The following LAMA5 variants were observed in gnomAD, a reference collection of about 807,000 sequenced individuals.
LAMA5 encodes laminin subunit alpha 5.
Under a neutral mutation model 433.4 loss-of-function variants are expected in LAMA5, and 260 were observed. The ratio of observed to expected loss-of-function variants is 0.60; its 90% CI spans 0.54 to 0.66. The LOEUF (loss-of-function observed/expected upper bound fraction) is 0.66. LAMA5 is among the 30% of genes least tolerant of loss of function. The pLI is 0.00. For synonymous variants in LAMA5, 2,620 were observed against 2,226.6 expected (o/e 1.18, Z -4.97); for missense variants, 5,378 against 5,258.5 (o/e 1.02, Z -0.70).
chr20:62,363,209 C>G (rs898350773), intron 1 of LAMA5, among the ~76,000 whole-genome samples: 5 of 152,198 alleles, frequency 3.3e-5, no homozygotes, highest in African/African-American at 1.2e-4. Flanking sequence ...TTAAGCTGTT[C>G]CGGAGGCCTG....
chr20:62,337,804 G>A lies in LAMA5; in HGVS notation c.2026C>T (p.Pro676Ser), dbSNP rs762150047. 6.2e-6 allele frequency: 10 copies of A among 1,612,346 alleles called. No homozygotes were observed. Among genetic ancestry groups the A allele is most frequent in the Admixed American group, 3.3e-5 (2 of 60,006 alleles). The part of the protein sequence containing the change: ...PGFHGFPSCV[P>S]CHCSAEGSLH... ...CACCACTTCCTCCCTAGGCACTCACGGACACAGCTGGGGAAGCCGTGAAAG... is the reference window on the plus strand; with the variant it reads ...CACCACTTCCTCCCTAGGCACTCACAGACACAGCTGGGGAAGCCGTGAAAG... Residue 676 changes from proline to serine, a missense_variant and splice_region_variant, in exon 15 of 80, where the codon CCC becomes TCC. Coordinates refer to ENST00000252999, the MANE Select transcript of LAMA5 (RefSeq NM_005560.6).
At chr20:62,361,117 T>C (rs1395021301) in intron 2 of LAMA5, among the ~76,000 whole-genome samples, 1 of 152,074 alleles carries the variant, frequency 6.6e-6, no homozygotes, top group Non-Finnish European at 1.5e-5. Flanking sequence ...AATTCACACG[T>C]ACGCTACAGC....
chr20:62,309,416 C>A lies in LAMA5; in HGVS notation c.11008G>T (p.Val3670Leu), dbSNP rs778003682. The A allele has an allele frequency of 7.6e-6, 12 of 1,584,512 alleles. No homozygotes were observed. The highest frequency in any genetic ancestry group is 8.5e-6 in the Non-Finnish European group (10 of 1,174,284). ...GTCATGGCGACGGGGGACCGGTTCA[C>A]CGCCAGCCTCCTCATGCAGCCGCAG... is the stretch of plus-strand genomic sequence containing the variant. ...AYCGCMRRLA[V>L]NRSPVAMTRS... is the part of the protein sequence containing the mutation. Residue 3670 changes from valine (V) to leucine (L), a missense_variant, in exon 80 of 80, where the codon GTG (valine) becomes TTG (leucine). Val to Leu is a conservative substitution (Grantham distance 32). Coordinates refer to ENST00000252999, the MANE Select transcript of LAMA5 (RefSeq NM_005560.6).
Position 62,318,562 on chromosome 20 carries a change from G to A in LAMA5, c.7131C>T (p.His2377=), listed in dbSNP as rs138694611. The change falls in exon 53 of 80, where the codon CAC becomes CAT. Residue 2377 remains histidine (H), a synonymous_variant. Coordinates refer to ENST00000252999, the MANE Select transcript of LAMA5 (RefSeq NM_005560.6). ...CTCGCAGGTCCATGAGGCCGGCCTCGTGCTGGGCCAGCCGGTCGCGGGTTT... is the reference window on the plus strand; with the variant it reads ...CTCGCAGGTCCATGAGGCCGGCCTCATGCTGGGCCAGCCGGTCGCGGGTTT... The part of the protein sequence containing the change: ...ATQTRDRLAQ[H]EAGLMDLREA... 6.2e-5 allele frequency: 100 copies of A among 1,610,274 alleles called. No homozygotes were observed. The highest frequency in any genetic ancestry group is 2.7e-4 in the African/African-American group (20 of 74,844).
chr20:62,347,356 C>T (rs1983555400), intron 6 of LAMA5, among the ~76,000 whole-genome samples: 1 of 152,092 alleles, frequency 6.6e-6, no homozygotes, highest in Admixed American at 6.5e-5. Context: ...GACAGGGCAC[C>T]TCAGGGGTCA....
intron 2 of LAMA5, among the ~76,000 whole-genome samples, chr20:62,362,077 G>A (rs542362334): frequency 4.6e-5 from 7 of 152,304 alleles, no homozygotes; most frequent in South Asian, 2.1e-4. Context: ...GGGCACCACC[G>A]CACTGCTCAC....
At chr20:62,347,082 T>G (rs1601397015) in intron 6 of LAMA5, 54 bp from the exon 7 acceptor site, 1 of 1,407,242 alleles carries the variant, frequency 7.1e-7, no homozygotes. Context: ...AGGTGGCAGG[T>G]GCTCAGTCCC....
At chr20:62,352,616 C>T (rs1162496217) in intron 3 of LAMA5, among the ~76,000 whole-genome samples, 1 of 151,952 alleles carries the variant, frequency 6.6e-6, no homozygotes, top group Non-Finnish European at 1.5e-5. Flanking sequence ...TCCTTGGGGA[C>T]AGACGCCTAC....
chr20:62,309,751 C>T lies in LAMA5; in HGVS notation c.10913G>A (p.Gly3638Asp). The T allele has an allele frequency of 1.2e-6, 2 of 1,603,660 alleles. No homozygotes were observed. The highest frequency in any genetic ancestry group is 1.1e-5 in the South Asian group (1 of 90,290). Residue 3638 changes from glycine (G) to aspartate (D), a missense_variant, in exon 79 of 80, where the codon GGT (glycine) becomes GAT (aspartate). Coordinates refer to ENST00000252999, the MANE Select transcript of LAMA5 (RefSeq NM_005560.6). ...TVGPLLAAAA[G>D]APAPLYLGGL... ...CCCGAGGTACAGAGGGGCTGGGGCA[C>T]CAGCTGCAGCCGCCAGCAAGGGGCC... is the stretch of plus-strand genomic sequence containing the variant.
intron 2 of LAMA5, among the ~76,000 whole-genome samples, chr20:62,354,043 G>A (rs373980983): frequency 2.0e-5 from 3 of 151,802 alleles, no homozygotes; most frequent in Non-Finnish European, 4.4e-5. Flanking sequence ...CCAGGCCTCC[G>A]AAACCCCAAG....
chr20:62,315,270 C>T, intron 58 of LAMA5, 63 bp from the exon 59 acceptor site: 1 of 1,423,842 alleles, frequency 7.0e-7, no homozygotes, highest in Non-Finnish European at 9.5e-7. Flanking sequence ...TTCATGTCCC[C>T]AAGTCTTTCT....
intron 57 of LAMA5, chr20:62,316,383 G>A: frequency 1.9e-6 from 1 of 538,716 alleles, no homozygotes; most frequent in South Asian, 2.5e-5. Context: ...GTAGCCCTCG[G>A]GTCAGCAGAG....
intron 1 of LAMA5, among the ~76,000 whole-genome samples, chr20:62,363,013 C>T (rs1306165831): frequency 6.6e-6 from 1 of 152,098 alleles, no homozygotes. Flanking sequence ...CAAAGCATGG[C>T]TACCCCTCCC....
chr20:62,320,831 G>T lies in LAMA5; in HGVS notation c.6556C>A (p.Pro2186Thr), dbSNP rs373009617. 2 of 1,612,620 alleles carry T rather than the reference G, an allele frequency of 1.2e-6. No individual in the cohort carries two copies. The highest frequency in any genetic ancestry group is 8.5e-7 in the Non-Finnish European group (1 of 1,179,872). The change falls in exon 49 of 80, where the codon CCC (proline) becomes ACC (threonine). Residue 2186 changes from proline (P) to threonine (T), a missense_variant. Transcript: ENST00000252999. ...CCACGCAGTTGCTCGTGAATGGCGG[G>T]GAGGAGGGCGCCGGCCCGTTCCAGG... ...DDLERAGALL[P>T]AIHEQLRGIN... is the part of the protein sequence containing the mutation.
intron 20 of LAMA5, 62 bp from the exon 21 acceptor site, chr20:62,334,683 C>A (rs961608747): frequency 1.5e-6 from 2 of 1,358,690 alleles, no homozygotes; most frequent in South Asian, 1.3e-5. Context: ...AGGGGCCCCT[C>A]ACAGCCAGAC....
Position 62,352,067 on chromosome 20 carries a change from G to C in LAMA5, c.700C>G (p.Leu234Val), listed in dbSNP as rs775186807. 2 of 1,611,806 alleles carry C rather than the reference G, an allele frequency of 1.2e-6. No individual in the cohort carries two copies. Among genetic ancestry groups the C allele is most frequent in the South Asian group, 1.1e-5 (1 of 91,014 alleles). Residue 234 changes from leucine to valine, a missense_variant, in exon 5 of 80, where the codon CTG (leucine) becomes GTG (valine). Coordinates refer to ENST00000252999, the MANE Select transcript of LAMA5 (RefSeq NM_005560.6). ...PLENGEIVVSLVNGRPGAMNF... is the reference protein window; with the variant it reads ...PLENGEIVVSVVNGRPGAMNF... ...ATGGCGCCCGGACGTCCGTTCACCA[G>C]GGACACCACGATCTGTGGGCAGTAT...
At chr20:62,317,568 C>A in intron 54 of LAMA5, 69 bp from the exon 55 acceptor site, 2 of 1,521,590 alleles carry the variant, frequency 1.3e-6, no homozygotes. Flanking sequence ...TGAGGGCGGG[C>A]TCTGCACGCA....
intron 6 of LAMA5, among the ~76,000 whole-genome samples, chr20:62,349,270 C>CAAAAAAAAA (rs35537683): frequency 2.1e-5 from 1 of 46,602 alleles, no homozygotes; most frequent in African/African-American, 1.1e-4. Context: ...GACTCCATCT[C>CAAAAAAAAA]AAAAAAAAAA....
chr20:62,320,623 T>C lies in LAMA5; in HGVS notation c.6695A>G (p.Gln2232Arg), dbSNP rs1475616778. The C allele has an allele frequency of 4.3e-6, 7 of 1,609,566 alleles. No homozygotes were observed. In the African/African-American group the frequency reaches 9.3e-5, roughly 21 times the overall value. ...PLGPRHETAQ[Q>R]LEVLEQQSTS... ...GCTCTGCTGCTCCAGCACCTCCAGC[T>C]GCTGTGCCGTCTCATGGCGGGGGCC... Residue 2232 changes from glutamine (Q) to arginine (R), a missense_variant, in exon 50 of 80, where the codon CAG (glutamine) becomes CGG (arginine). Gln to Arg is a conservative substitution (Grantham distance 43). Coordinates refer to ENST00000252999, the MANE Select transcript of LAMA5 (RefSeq NM_005560.6).
Sources: gnomAD v4.1 joint callset for allele counts (sites outside exome capture counted in the v4.1 genomes callset) on GRCh38, gnomAD v4.1.1 for gene constraint, MANE v1.5 for transcripts, NCBI Gene and HGNC (gene_info 2026-07-23, HGNC 2026-07-21) for gene names.